LARP4B: variants seen among roughly 807,000 people sequenced by gnomAD.
LARP4B encodes the protein la-related protein 4B.
LARP4B carries 12 observed loss-of-function variants against 89.8 expected under a neutral mutation model. The ratio of observed to expected loss-of-function variants is 0.13; its 90% confidence interval spans 0.09 to 0.22. The LOEUF is 0.22. Among genes scored for constraint, LARP4B ranks in the 10% least tolerant of loss-of-function variants. The probability of loss-of-function intolerance (pLI) is 1.00; values close to 1 mark genes in which losing one functional copy is unlikely to be tolerated. For missense variants in LARP4B, 757 were observed against 947.7 expected (o/e 0.80, Z 2.64); for synonymous variants, 367 against 363.3 (o/e 1.01, Z -0.12).
At chr10:942,816 A>G in the LARP4B span, 1 of 152,164 alleles carries the variant, frequency 6.6e-6, no homozygotes, top group Non-Finnish European at 1.5e-5. Context: ...GCCAGCTGAC[A>G]TATCTTAGGC....
At chr10:949,790 T>G in the LARP4B span, among the ~76,000 whole-genome samples, 1 of 152,226 alleles carries the variant, frequency 6.6e-6, no homozygotes, top group Non-Finnish European at 1.5e-5. Context: ...TTTTGCTGAT[T>G]TTTCTAACTG....
chr10:854,294 G>A (rs1834195580), intron 5 of LARP4B, among the ~76,000 whole-genome samples: 1 of 152,142 alleles, frequency 6.6e-6, no homozygotes, highest in Non-Finnish European at 1.5e-5. Context: ...TTGACATTTT[G>A]GCCTTCCCTC....
the LARP4B span, among the ~76,000 whole-genome samples, chr10:945,430 TA>T: frequency 6.6e-6 from 1 of 150,400 alleles, no homozygotes; most frequent in Non-Finnish European, 1.5e-5. Flanking sequence ...CTCACACCTG[TA>T]ATCCCAGCAC....
intron 1 of LARP4B, among the ~76,000 whole-genome samples, chr10:931,095 C>G (rs1830581760): frequency 6.6e-6 from 1 of 151,024 alleles, no homozygotes; most frequent in Non-Finnish European, 1.5e-5. Flanking sequence ...CTCAACGGGT[C>G]CTCCTAAGCC....
the LARP4B span, among the ~76,000 whole-genome samples, chr10:938,982 G>C: frequency 6.6e-6 from 1 of 152,242 alleles, no homozygotes; most frequent in African/African-American, 2.4e-5. Flanking sequence ...TGTTGAAGCT[G>C]GGTGTGATGG....
At chr10:862,255 T>A (rs1834650128) in intron 5 of LARP4B, among the ~76,000 whole-genome samples, 1 of 65,772 alleles carries the variant, frequency 1.5e-5, no homozygotes, top group African/African-American at 8.3e-5. Flanking sequence ...TCCACTGAAG[T>A]TAAAAAAAAA....
At chr10:936,917 G>T in the LARP4B span, among the ~76,000 whole-genome samples, 1 of 152,158 alleles carries the variant, frequency 6.6e-6, no homozygotes, top group Non-Finnish European at 1.5e-5. Flanking sequence ...AAAAAAGAAC[G>T]CATGAGCTTT....
intron 3 of LARP4B, among the ~76,000 whole-genome samples, chr10:882,427 G>A (rs1249068061): frequency 6.7e-6 from 1 of 150,096 alleles, no homozygotes; most frequent in Non-Finnish European, 1.5e-5. Flanking sequence ...TCACTCTGCT[G>A]CCTAGGCTGG....
chr10:816,506 T>C (rs1832064646), intron 15 of LARP4B, among the ~76,000 whole-genome samples: 1 of 152,170 alleles, frequency 6.6e-6, no homozygotes, highest in Non-Finnish European at 1.5e-5. Flanking sequence ...AAAGAAGCAA[T>C]TCTTTCTTCA....
At chr10:818,358 T>A (rs1832171927) in intron 14 of LARP4B, 1 of 152,594 alleles carries the variant, frequency 6.6e-6, no homozygotes, top group Non-Finnish European at 1.5e-5. Context: ...AATATGACAC[T>A]CTCTCCACAA....
intron 5 of LARP4B, among the ~76,000 whole-genome samples, chr10:855,129 A>G (rs745763544): frequency 2.0e-5 from 3 of 152,192 alleles, no homozygotes; most frequent in Non-Finnish European, 2.9e-5. Context: ...GCTTAAGGGA[A>G]TAATTGTTGT....
chr10:949,585 TC>T, the LARP4B span, among the ~76,000 whole-genome samples: 1 of 151,674 alleles, frequency 6.6e-6, no homozygotes, highest in African/African-American at 2.4e-5. Flanking sequence ...TGATCTGCTC[TC>T]CCCGTCCTCA....
chr10:939,324 G>A, the LARP4B span, among the ~76,000 whole-genome samples: 4,518 of 152,256 alleles, frequency 0.03, 216 homozygotes, highest in African/African-American at 0.1. Context: ...CCTGTTAGGA[G>A]GTTTAGGGTC....
chr10:949,652 G>C, the LARP4B span, among the ~76,000 whole-genome samples: 1 of 152,244 alleles, frequency 6.6e-6, no homozygotes, highest in South Asian at 2.1e-4. Context: ...GATGTGCAGG[G>C]CTGTCTTGTT....
intron 1 of LARP4B, among the ~76,000 whole-genome samples, chr10:893,812 G>C (rs995940878): frequency 2.6e-5 from 4 of 152,190 alleles, no homozygotes. Context: ...AGCCACATCA[G>C]GATCAGGAAG....
intron 8 of LARP4B, 138 bp downstream of exon 8, chr10:836,265 C>T: frequency 1.7e-6 from 1 of 593,902 alleles, no homozygotes; most frequent in Non-Finnish European, 3.0e-6. Flanking sequence ...GTGTGTAAAT[C>T]CTGGGAAAAC....
At chr10:834,876 C>T (rs1000294300) in intron 8 of LARP4B, among the ~76,000 whole-genome samples, 6 of 151,814 alleles carry the variant, frequency 4.0e-5, no homozygotes, top group African/African-American at 7.2e-5. Context: ...CTCGGCCGGG[C>T]GCGGTGGCTC....
rs1831669218 is a variant in LARP4B, at chr10:809,638, A to G, written c.*3288T>C. 1 of 152,686 alleles carries G rather than the reference A, an allele frequency of 6.5e-6. No homozygotes were observed. The highest frequency in any genetic ancestry group is 1.9e-4 in the East Asian group (1 of 5,204). The allele number at this position is 152,686 out of a possible 1,614,324, so 9.5% of individuals were successfully genotyped here. Reference sequence around the variant, plus strand: ...ACACAAAAGGAAACTTAAATTACCAATAGTTTACATGTAAGCTTGATTCCA... The same window carrying G: ...ACACAAAAGGAAACTTAAATTACCAGTAGTTTACATGTAAGCTTGATTCCA... On this transcript the variant is annotated 3_prime_UTR_variant, in exon 18 of 18. Coordinates refer to ENST00000316157, the MANE Select transcript of LARP4B (RefSeq NM_015155.3).
At chr10:825,021 A>C (rs747911468) in intron 13 of LARP4B, 44 bp downstream of exon 13, 1 of 1,515,352 alleles carries the variant, frequency 6.6e-7, no homozygotes, top group Admixed American at 2.2e-5. Flanking sequence ...TAATTTTTAA[A>C]ATATTAGTTT....
Sources: allele counts gnomAD v4.1 joint callset (sites outside exome capture counted in the v4.1 genomes callset), GRCh38; gene constraint gnomAD v4.1.1; transcripts MANE v1.5; gene names NCBI Gene and HGNC (gene_info 2026-07-23, HGNC 2026-07-21).